Variants in XKR6 observed in about 807,000 individuals in gnomAD.
XKR6 encodes XK related 6, also known as XK-related protein 6.
A neutral mutation model predicts 56.7 loss-of-function variants in XKR6; 22 were observed. The ratio of observed to expected loss-of-function variants is 0.39; its 90% CI spans 0.28 to 0.55. XKR6 has a LOEUF of 0.55. XKR6 is among the 20% of genes least tolerant of loss of function. The pLI, the probability that XKR6 is intolerant of heterozygous loss-of-function variation, is 0.66. For synonymous variants in XKR6, 524 were observed against 387.8 expected, an observed-to-expected ratio of 1.35 and a Z score of -4.13; for missense variants, 852 against 889.0, an observed-to-expected ratio of 0.96 and a Z score of 0.53.
chr8:10,979,758 G>T (rs1473091266), intron 1 of XKR6, among the ~76,000 whole-genome samples: 1 of 152,190 alleles, frequency 6.6e-6, no homozygotes, highest in South Asian at 2.1e-4. Context: ...TGGACCCTCC[G>T]TAGGGGTTTT....
intron 1 of XKR6, among the ~76,000 whole-genome samples, chr8:11,004,831 C>G (rs139105732): frequency 4.6e-5 from 7 of 152,320 alleles, no homozygotes; most frequent in Non-Finnish European, 8.8e-5. Flanking sequence ...GTAGTTTACA[C>G]ACATGATGAA....
chr8:11,024,376 T>A (rs952139958), intron 1 of XKR6, among the ~76,000 whole-genome samples: 4 of 152,126 alleles, frequency 2.6e-5, no homozygotes, highest in African/African-American at 9.7e-5. Flanking sequence ...AACCTCCACA[T>A]CTGTCTCCTT....
intron 1 of XKR6, among the ~76,000 whole-genome samples, chr8:11,051,321 C>G (rs539671985): frequency 6.6e-6 from 1 of 152,092 alleles, no homozygotes; most frequent in South Asian, 2.1e-4. Flanking sequence ...TCTCCAGTCT[C>G]CCCCTCGGTA....
rs565618991 is a variant in XKR6, at chr8:10,980,647, T to C, written c.765-55817A>G. ...ATCCATGTTACACGGATCATGATTA[T>C]GGATTATGATCTCTGTCTATCTGTC... On this transcript the variant is annotated intron_variant, in intron 1 of 2. Coordinates refer to ENST00000416569, the MANE Select transcript of XKR6 (RefSeq NM_173683.4). Among the ~76,000 whole-genome samples, 14 of 152,328 alleles carry C rather than the reference T, an allele frequency of 9.2e-5. No homozygotes were observed. In the South Asian group the frequency reaches 1.4e-3, roughly 16 times the overall value.
At chr8:11,032,797 G>T (rs954092343) in intron 1 of XKR6, among the ~76,000 whole-genome samples, 1 of 152,160 alleles carries the variant, frequency 6.6e-6, no homozygotes, top group Admixed American at 6.5e-5. Context: ...ACCTTACAAG[G>T]CTCCTGAGAA....
chr8:11,056,635 G>A lies in XKR6; in HGVS notation c.765-131805C>T, dbSNP rs73662689. Among the ~76,000 whole-genome samples, 667 of 152,302 alleles carry A rather than the reference G, an allele frequency of 4.4e-3. 13 individuals carry two copies. The highest frequency in any genetic ancestry group is 0.015 in the African/African-American group (624 of 41,552). ...CAGGTCACTGGGGCCACTGCGTTCTGGAAGCTGAGTGGTCTACAGAGGCAG... is the reference window on the plus strand; with the variant it reads ...CAGGTCACTGGGGCCACTGCGTTCTAGAAGCTGAGTGGTCTACAGAGGCAG... On this transcript the variant is annotated intron_variant, in intron 1 of 2. Coordinates refer to ENST00000416569, the MANE Select transcript of XKR6 (RefSeq NM_173683.4).
chr8:11,136,957 C>A (rs1038861155), intron 1 of XKR6: 2 of 152,010 alleles, frequency 1.3e-5, no homozygotes, highest in South Asian at 2.1e-4. Context: ...CACATGAATT[C>A]TTTTAAAAGA....
chr8:10,901,616 C>T (rs1454694560), intron 2 of XKR6, among the ~76,000 whole-genome samples: 1 of 152,184 alleles, frequency 6.6e-6, no homozygotes, highest in Non-Finnish European at 1.5e-5. Flanking sequence ...GTAGGTCCTA[C>T]CGACCCATAG....
At chr8:11,123,678 TAC>T (rs1799592426) in intron 1 of XKR6, 1 of 358,842 alleles carries the variant, frequency 2.8e-6, no homozygotes, top group Non-Finnish European at 5.5e-6. Context: ...TATGTATATA[TAC>T]TTGTCTATAT....
intron 1 of XKR6, among the ~76,000 whole-genome samples, chr8:11,119,212 G>A (rs1799327337): frequency 6.6e-6 from 1 of 152,128 alleles, no homozygotes; most frequent in Non-Finnish European, 1.5e-5. Flanking sequence ...ATTTGCTGAG[G>A]AGTGCTTTAC....
intron 1 of XKR6, among the ~76,000 whole-genome samples, chr8:11,122,436 G>A (rs1799502096): frequency 1.3e-5 from 2 of 152,248 alleles, no homozygotes; most frequent in African/African-American, 4.8e-5. Context: ...GCATAATCAT[G>A]TCAGCATGGC....
chr8:10,923,315 T>C (rs1382000447), intron 2 of XKR6, among the ~76,000 whole-genome samples: 1 of 152,184 alleles, frequency 6.6e-6, no homozygotes, highest in Non-Finnish European at 1.5e-5. Flanking sequence ...GCCAGCATTT[T>C]GTGGGATGGA....
intron 1 of XKR6, chr8:11,194,771 A>G (rs865884885): frequency 4.8e-5 from 12 of 249,630 alleles, no homozygotes; most frequent in African/African-American, 2.5e-4. Context: ...ATAGTATCAA[A>G]TGATGTTGAA....
intron 1 of XKR6, among the ~76,000 whole-genome samples, chr8:11,174,732 G>A (rs536885492): frequency 5.9e-5 from 9 of 152,068 alleles, no homozygotes; most frequent in South Asian, 2.1e-4. Context: ...CCTGCCCTTC[G>A]CACTTTCCAA....
rs995166746 is a variant in XKR6 at position 10,925,340 on chromosome 8, T to C, written c.765-510A>G. On this transcript the variant is annotated intron_variant, in intron 1 of 2. Coordinates refer to ENST00000416569, the MANE Select transcript of XKR6 (RefSeq NM_173683.4). The stretch of plus-strand genomic sequence containing the variant: ...TGCCCAGGTGGTAAGTAGGAGGGTA[T>C]GGTTCTCACATGATACAGACAGGAA... Among the ~76,000 whole-genome samples, 9 of 152,244 alleles carry C rather than the reference T, an allele frequency of 5.9e-5. No individual in the cohort carries two copies. The East Asian group carries it at 1.7e-3, about 29-fold the overall frequency.
At chr8:11,033,504 G>T (rs926071528) in intron 1 of XKR6, among the ~76,000 whole-genome samples, 1 of 152,054 alleles carries the variant, frequency 6.6e-6, no homozygotes, top group Non-Finnish European at 1.5e-5. Context: ...CTATGGTAAT[G>T]ATGATGATGA....
intron 1 of XKR6, among the ~76,000 whole-genome samples, chr8:11,142,875 G>A (rs1386302660): frequency 1.3e-5 from 2 of 152,112 alleles, no homozygotes; most frequent in East Asian, 1.9e-4. Flanking sequence ...GTAACTTGTC[G>A]ACTATGCTGA....
intron 1 of XKR6, among the ~76,000 whole-genome samples, chr8:11,078,265 C>A (rs1322994357): frequency 6.6e-6 from 1 of 152,160 alleles, no homozygotes; most frequent in Non-Finnish European, 1.5e-5. Context: ...GAGACTTTAT[C>A]GACATTGTCA....
At chr8:10,903,162 G>A (rs543947239) in intron 2 of XKR6, among the ~76,000 whole-genome samples, 2 of 152,194 alleles carry the variant, frequency 1.3e-5, no homozygotes, top group South Asian at 4.1e-4. Context: ...ATCTGGACCT[G>A]TCTGTGACAT....
Sources: allele counts gnomAD v4.1 joint callset (sites outside exome capture counted in the v4.1 genomes callset), GRCh38; gene constraint gnomAD v4.1.1; transcripts MANE v1.5; gene names NCBI Gene and HGNC (gene_info 2026-07-23, HGNC 2026-07-21).